FAM171B: variants seen among roughly 807,000 people sequenced by gnomAD.
FAM171B encodes protein FAM171B.
FAM171B carries 19 observed loss-of-function variants against 75.6 expected under a neutral mutation model. That is an observed-to-expected ratio of 0.25 (90% CI 0.18 to 0.37). The LOEUF is 0.37. Ranked by LOEUF, FAM171B falls within the 10% of genes least tolerant of loss-of-function variation. The pLI is 1.00. For synonymous variants in FAM171B, 367 were observed against 361.7 expected (o/e 1.01, Z -0.17); for missense variants, 848 against 982.4 (o/e 0.86, Z 1.83).
chr2:186,712,040 T>A (rs1689816385), intron 1 of FAM171B, among the ~76,000 whole-genome samples: 1 of 152,218 alleles, frequency 6.6e-6, no homozygotes, highest in Admixed American at 6.6e-5. Context: ...ACCCATTTTA[T>A]GTCGCAGAAT....
chr2:186,750,100 G>T (rs1362249871), intron 4 of FAM171B, among the ~76,000 whole-genome samples: 2 of 152,096 alleles, frequency 1.3e-5, no homozygotes, highest in Non-Finnish European at 2.9e-5. Flanking sequence ...CAAATTTCTA[G>T]TTTTGAAGCC....
At chr2:186,700,506 G>A (rs1048637783) in intron 1 of FAM171B, among the ~76,000 whole-genome samples, 5 of 152,120 alleles carry the variant, frequency 3.3e-5, no homozygotes, top group East Asian at 3.9e-4. Context: ...AATCCATGGC[G>A]TGTGTCCAGC....
At chr2:186,759,199 T>C (rs966681712) in intron 6 of FAM171B, among the ~76,000 whole-genome samples, 8 of 152,076 alleles carry the variant, frequency 5.3e-5, no homozygotes, top group African/African-American at 1.9e-4. Context: ...CATTCATCTG[T>C]TGATAGACAC....
At chr2:186,734,841 A>G (rs553523481) in intron 1 of FAM171B, among the ~76,000 whole-genome samples, 1 of 152,322 alleles carries the variant, frequency 6.6e-6, no homozygotes, top group African/African-American at 2.4e-5. Flanking sequence ...GGGCTGGCCT[A>G]TCATTGCTGC....
chr2:186,694,862 A>T (rs550078783), intron 1 of FAM171B, among the ~76,000 whole-genome samples: 2 of 152,032 alleles, frequency 1.3e-5, no homozygotes, highest in African/African-American at 4.8e-5. Context: ...AAATCTTGCC[A>T]TGGACACCCA....
intron 1 of FAM171B, among the ~76,000 whole-genome samples, chr2:186,716,026 A>T (rs1689870328): frequency 6.6e-6 from 1 of 152,028 alleles, no homozygotes; most frequent in Non-Finnish European, 1.5e-5. Context: ...TAAAATCAGA[A>T]GTTTATATTT....
At position 186,725,443 on chromosome 2, in the gene FAM171B, G is replaced by A. The variant is rs570580271; in HGVS notation, c.239-14785G>A. On this transcript the variant is annotated intron_variant, in intron 1 of 7. Transcript: ENST00000304698. ...GTGATAACTCAGTTTGTGCTGTTTC[G>A]ATTCAAAGGACGGGGAAATCAGTCA... Among the ~76,000 whole-genome samples the A allele has an allele frequency of 2.0e-5, 3 of 152,082 alleles. No homozygotes were observed. The South Asian group carries it at 6.2e-4, about 32-fold the overall frequency.
chr2:186,736,567 G>GTGTGGGAGA (rs55683607), intron 1 of FAM171B, among the ~76,000 whole-genome samples: 56 of 104,620 alleles, frequency 5.4e-4, no homozygotes, highest in East Asian at 2.7e-3. Flanking sequence ...TGTGTGTGTG[G>GTGTGGGAGA]GAGAGAGAGA....
In FAM171B at chr2:186,694,191, G is replaced by T; in HGVS notation, c.18G>T (p.Arg6=). The stretch of plus-strand genomic sequence containing the variant: ...TCTAGGCCATGGCGAGGCTCTGCCG[G>T]CGTGTCCCCTGCACCCTGCTTCTCG... The part of the protein sequence containing the change: MARLC[R]RVPCTLLLGL... Residue 6 remains arginine, a synonymous_variant, in exon 1 of 8, where the codon CGG becomes CGT. Coordinates refer to ENST00000304698, the MANE Select transcript of FAM171B (RefSeq NM_177454.4). 6.2e-7 allele frequency: 1 copy of T among 1,602,574 alleles called. No homozygotes were observed.
At chr2:186,731,830 T>A (rs542465116) in intron 1 of FAM171B, among the ~76,000 whole-genome samples, 3 of 152,088 alleles carry the variant, frequency 2.0e-5, no homozygotes, top group Non-Finnish European at 4.4e-5. Flanking sequence ...TAGTTTCTCA[T>A]AGGAGCATGA....
chr2:186,707,629 T>C (rs1447256986), intron 1 of FAM171B, among the ~76,000 whole-genome samples: 7 of 152,128 alleles, frequency 4.6e-5, no homozygotes. Context: ...ATTACTGCAG[T>C]CTCAACTCCA....
chr2:186,751,997 C>T (rs932001647), intron 5 of FAM171B, among the ~76,000 whole-genome samples: 4 of 152,322 alleles, frequency 2.6e-5, no homozygotes, highest in African/African-American at 9.6e-5. Flanking sequence ...TCTCCTCCTT[C>T]ACTCTCATCT....
intron 1 of FAM171B, among the ~76,000 whole-genome samples, chr2:186,730,673 CATT>C (rs1269023985): frequency 1.1e-4 from 17 of 152,200 alleles, no homozygotes; most frequent in South Asian, 1.0e-3. Flanking sequence ...TTTATATTAA[CATT>C]ATTGCATGTG....
At chr2:186,747,034 A>G in intron 3 of FAM171B, 58 bp from the exon 4 acceptor site, 4 of 1,316,654 alleles carry the variant, frequency 3.0e-6, no homozygotes, top group South Asian at 1.5e-5. Flanking sequence ...ATCCTGACCA[A>G]TGCTGCTATG....
intron 1 of FAM171B, among the ~76,000 whole-genome samples, chr2:186,722,609 C>A (rs1689972254): frequency 6.6e-6 from 1 of 152,096 alleles, no homozygotes; most frequent in Non-Finnish European, 1.5e-5. Flanking sequence ...GAATGTTTAT[C>A]ATGCAGTAAA....
At chr2:186,740,138 GTTA>G in intron 1 of FAM171B, 87 bp from the exon 2 acceptor site, 1 of 847,730 alleles carries the variant, frequency 1.2e-6, no homozygotes, top group Non-Finnish European at 1.9e-6. Flanking sequence ...GTTTTGTACT[GTTA>G]TTTAGATATG....
At position 186,743,503 on chromosome 2, in the gene FAM171B, T is replaced by C. The variant is rs751621711; in HGVS notation, c.493T>C (p.Ser165Pro). ...CACAGTATATTCATCAGTTACACTT[T>C]CACTGTTCCCGCAAAGCCAAGCAAA... ...RMPIYSSVTLSLFPQSQANIW... is the reference protein window; with the variant it reads ...RMPIYSSVTLPLFPQSQANIW... Residue 165 changes from serine to proline, a missense_variant, in exon 3 of 8, where the codon TCA becomes CCA. Physicochemically the swap from Ser to Pro is moderately conservative, Grantham distance 74. This residue lies in a region of FAM171B where 665 missense variants were observed against 729.0 expected (regional missense o/e 0.91). Coordinates refer to ENST00000304698, the MANE Select transcript of FAM171B (RefSeq NM_177454.4). The C allele has an allele frequency of 3.7e-6, 6 of 1,611,946 alleles. No homozygotes were observed. The highest frequency in any genetic ancestry group is 5.1e-6 in the Non-Finnish European group (6 of 1,178,220).
chr2:186,728,205 ATACT>A (rs745782131), intron 1 of FAM171B, among the ~76,000 whole-genome samples: 19 of 152,210 alleles, frequency 1.2e-4, no homozygotes, highest in Non-Finnish European at 2.4e-4. Context: ...TCATTTTTTG[ATACT>A]TAGAGGAATT....
intron 4 of FAM171B, among the ~76,000 whole-genome samples, chr2:186,749,883 C>A (rs917043098): frequency 6.6e-6 from 1 of 151,862 alleles, no homozygotes; most frequent in African/African-American, 2.4e-5. Context: ...TAATTATGTG[C>A]CTTTTCTAGA....
Sources: allele counts gnomAD v4.1 joint callset (sites outside exome capture counted in the v4.1 genomes callset), GRCh38; gene constraint gnomAD v4.1.1; regional missense constraint gnomAD v4.1.1; transcripts MANE v1.5; gene names NCBI Gene and HGNC (gene_info 2026-07-23, HGNC 2026-07-21).